Variants in PPP1R9A observed in about 807,000 individuals in gnomAD.
PPP1R9A encodes neurabin-1.
A neutral mutation model predicts 141.9 loss-of-function variants in PPP1R9A; 59 were observed. The ratio of observed to expected loss-of-function variants is 0.42; its 90% CI spans 0.34 to 0.52. The LOEUF (loss-of-function observed/expected upper bound fraction) is 0.52, where lower values mean the gene tolerates loss of function less well. Among genes scored for constraint, PPP1R9A ranks in the 20% least tolerant of loss-of-function variants. The probability of loss-of-function intolerance (pLI) is 0.10; values close to 1 mark genes in which losing one functional copy is unlikely to be tolerated. For synonymous variants in PPP1R9A, 500 were observed against 569.7 expected, an observed-to-expected ratio of 0.88 and a Z score of 1.74; for missense variants, 1,444 against 1,611.9, an observed-to-expected ratio of 0.90 and a Z score of 1.78.
At chr7:95,170,305 A>G (rs1420824749) in intron 5 of PPP1R9A, among the ~76,000 whole-genome samples, 4 of 151,660 alleles carry the variant, frequency 2.6e-5, no homozygotes, top group Non-Finnish European at 5.9e-5. Flanking sequence ...GTGCTAGAAA[A>G]GATAACTGAA....
chr7:95,050,223 T>C (rs1810601609), intron 2 of PPP1R9A, among the ~76,000 whole-genome samples: 1 of 152,210 alleles, frequency 6.6e-6, no homozygotes, highest in African/African-American at 2.4e-5. Context: ...TAATTTGCAG[T>C]TCCCTAATGA....
chr7:94,910,776 G>A lies in PPP1R9A; in HGVS notation c.663G>A (p.Glu221=), dbSNP rs1791360965. The change falls in exon 2 of 20, where the codon GAG becomes GAA. Residue 221 remains glutamate, a synonymous_variant. Transcript: ENST00000433360. This position sits in a 1 kb window ranked among gnomAD's most constrained non-coding sequence, Gnocchi z 4.5. ...ATTCTCCCAGTGCCATCATTTCTGA[G>A]AAGGCTGAAAACAATGAATACTCAG... ...NTDSPSAIIS[E]KAENNEYSVT... 6.2e-7 allele frequency: 1 copy of A among 1,614,080 alleles called. No homozygotes were observed. Among genetic ancestry groups the A allele is most frequent in the Non-Finnish European group, 8.5e-7 (1 of 1,180,018 alleles).
chr7:95,105,689 C>G (rs1819414958), intron 2 of PPP1R9A, among the ~76,000 whole-genome samples: 1 of 152,046 alleles, frequency 6.6e-6, no homozygotes, highest in South Asian at 2.1e-4. Flanking sequence ...GATTAATTAT[C>G]CATTTTTTTG....
chr7:95,001,217 A>T (rs185564022), intron 2 of PPP1R9A, among the ~76,000 whole-genome samples: 2 of 152,302 alleles, frequency 1.3e-5, no homozygotes, highest in Admixed American at 1.3e-4. Context: ...GGCTGTTATA[A>T]ATAAGGACTT....
At chr7:95,274,202 T>C (rs1802741855) in intron 16 of PPP1R9A, 34 bp downstream of exon 16, 2 of 1,476,046 alleles carry the variant, frequency 1.4e-6, no homozygotes, top group African/African-American at 1.4e-5. Flanking sequence ...CGTGTATTTC[T>C]ATACCTAAAC....
chr7:94,913,917 A>T (rs1170556423), intron 2 of PPP1R9A, among the ~76,000 whole-genome samples: 2 of 152,174 alleles, frequency 1.3e-5, no homozygotes, highest in African/African-American at 2.4e-5. Flanking sequence ...AGTATAAAAA[A>T]CTATGCCAAA....
chr7:95,291,168 T>G lies in PPP1R9A; in HGVS notation c.*865T>G, dbSNP rs854541. 3 of 151,912 alleles carry G rather than the reference T, an allele frequency of 2.0e-5. No homozygotes were observed. The highest frequency in any genetic ancestry group is 4.4e-5 in the Non-Finnish European group (3 of 67,996). 9.4% of individuals were successfully genotyped at this position (151,912 alleles called of 1,614,324 possible). A position where few individuals can be genotyped will look rare whatever the true frequency, so the allele number is the denominator to read the frequency against. ...AACACAACACAGTTCCTCTTCCCCCTACCTAACCCAAGAAATTGAACAGGA... is the reference window on the plus strand; with the variant it reads ...AACACAACACAGTTCCTCTTCCCCCGACCTAACCCAAGAAATTGAACAGGA... On this transcript the variant is annotated 3_prime_UTR_variant, in exon 20 of 20. Coordinates refer to ENST00000433360, the MANE Select transcript of PPP1R9A (RefSeq NM_001166160.2).
In PPP1R9A at chr7:95,016,974, A is replaced by G. The variant is rs183575893; in HGVS notation, c.1396-94285A>G. ...CTGATTTAGGGTGGGTCCTAATCCA[A>G]TATGACTGGTGTCCTTATTAGAAGA... On this transcript the variant is annotated intron_variant, in intron 2 of 19. Transcript: ENST00000433360. 1.4e-3 allele frequency among the ~76,000 whole-genome samples: 217 copies of G among 152,324 alleles called. 2 individuals carry two copies. The highest frequency in any genetic ancestry group is 1.9e-3 in the Non-Finnish European group (126 of 68,030).
intron 2 of PPP1R9A, among the ~76,000 whole-genome samples, chr7:94,965,575 G>A (rs1300252374): frequency 6.6e-6 from 1 of 152,088 alleles, no homozygotes; most frequent in South Asian, 2.1e-4. Context: ...ATTAAATAGG[G>A]AATCCATTAC....
chr7:95,243,397 G>T (rs1797720000), intron 8 of PPP1R9A, among the ~76,000 whole-genome samples: 1 of 152,034 alleles, frequency 6.6e-6, no homozygotes, highest in African/African-American at 2.4e-5. Context: ...GTCACTAAAG[G>T]CCAATTGATT....
At chr7:95,059,719 A>T (rs578171958) in intron 2 of PPP1R9A, among the ~76,000 whole-genome samples, 1 of 152,268 alleles carries the variant, frequency 6.6e-6, no homozygotes, top group Admixed American at 6.5e-5. Context: ...AAATTTTGTG[A>T]TATATTAGTC....
chr7:94,973,027 A>T (rs971496452), intron 2 of PPP1R9A, among the ~76,000 whole-genome samples: 16 of 151,694 alleles, frequency 1.1e-4, no homozygotes, highest in African/African-American at 3.9e-4. Context: ...ATATATTTTT[A>T]AAAACCGGAA....
intron 4 of PPP1R9A, among the ~76,000 whole-genome samples, chr7:95,140,715 T>C (rs1016979666): frequency 3.9e-5 from 6 of 152,064 alleles, no homozygotes; most frequent in African/African-American, 1.4e-4. Context: ...GTTTTAGTTT[T>C]TATTTTTATT....
chr7:95,021,530 A>G (rs556139242), intron 2 of PPP1R9A, among the ~76,000 whole-genome samples: 1 of 152,284 alleles, frequency 6.6e-6, no homozygotes, highest in South Asian at 2.1e-4. Flanking sequence ...TGTTTTAGTC[A>G]TGAAGTCTTT....
At chr7:95,123,524 C>T (rs1179247996) in intron 4 of PPP1R9A, among the ~76,000 whole-genome samples, 2 of 152,166 alleles carry the variant, frequency 1.3e-5, no homozygotes, top group East Asian at 3.8e-4. Flanking sequence ...TAGTGGGCGC[C>T]TCTAATCCCA....
chr7:95,252,125 G>A lies in PPP1R9A; in HGVS notation c.2660G>A (p.Ser887Asn). 6.3e-7 allele frequency: 1 copy of A among 1,585,590 alleles called. No individual in the cohort carries two copies. The highest frequency in any genetic ancestry group is 1.4e-5 in the African/African-American group (1 of 73,520). Residue 887 changes from serine to asparagine, a missense_variant, in exon 12 of 20, where the codon AGT (serine) becomes AAT (asparagine). By Grantham distance (46) the Ser-to-Asn change is conservative. Transcript: ENST00000433360. ...CAGACATCTTGCCAAGATGGCCTAA[G>A]TCAAGGTTTGTTTAACCCAACCACA... ...GKQTSCQDGLSQDLNEAVPET... is the reference protein window; with the variant it reads ...GKQTSCQDGLNQDLNEAVPET...
intron 5 of PPP1R9A, among the ~76,000 whole-genome samples, chr7:95,191,524 A>G (rs915346829): frequency 6.6e-6 from 1 of 152,142 alleles, no homozygotes; most frequent in South Asian, 2.1e-4. Flanking sequence ...ATTGTTAACT[A>G]GAGTCATCCC....
chr7:94,971,561 T>C (rs114548793), intron 2 of PPP1R9A, among the ~76,000 whole-genome samples: 2,422 of 152,324 alleles, frequency 0.016, 57 homozygotes, highest in African/African-American at 0.055. Context: ...TCTTGAGAAT[T>C]CACAGTTTTC....
intron 2 of PPP1R9A, among the ~76,000 whole-genome samples, chr7:94,954,149 C>T (rs1303335259): frequency 1.3e-5 from 2 of 151,790 alleles, no homozygotes; most frequent in East Asian, 1.9e-4. Flanking sequence ...ATGCTTAGCT[C>T]ATTAATTTTC....
Sources: gnomAD v4.1 joint callset for allele counts (sites outside exome capture counted in the v4.1 genomes callset) on GRCh38, gnomAD v4.1.1 for gene constraint, Gnocchi (gnomAD v3.1) non-coding constraint, MANE v1.5 for transcripts, NCBI Gene and HGNC (gene_info 2026-07-23, HGNC 2026-07-21) for gene names.